UNC13C: variants seen among roughly 807,000 people sequenced by gnomAD.
The protein encoded by UNC13C is protein unc-13 homolog C.
Under a neutral mutation model 245.4 loss-of-function variants are expected in UNC13C, and 174 were observed. The ratio of observed to expected loss-of-function variants is 0.71; its 90% CI spans 0.63 to 0.80. UNC13C has a LOEUF of 0.80. Among genes scored for constraint, UNC13C ranks in the 30% least tolerant of loss-of-function variants. The pLI, the probability that UNC13C is intolerant of heterozygous loss-of-function variation, is 0.00. For synonymous variants in UNC13C, 992 were observed against 895.1 expected, an observed-to-expected ratio of 1.11 and a Z score of -1.93; for missense variants, 2,829 against 2,602.9, an observed-to-expected ratio of 1.09 and a Z score of -1.89.
intron 1 of UNC13C, among the ~76,000 whole-genome samples, chr15:53,983,815 G>A (rs1894019977): frequency 6.6e-6 from 1 of 151,776 alleles, no homozygotes; most frequent in South Asian, 2.1e-4. Context: ...TCAGCTCTGG[G>A]TCTCTCAAGC....
chr15:54,337,276 A>G (rs1296215530), intron 16 of UNC13C, among the ~76,000 whole-genome samples: 1 of 152,118 alleles, frequency 6.6e-6, no homozygotes, highest in Non-Finnish European at 1.5e-5. Flanking sequence ...TCCATACTCA[A>G]CCAGCGTTGT....
intron 17 of UNC13C, among the ~76,000 whole-genome samples, chr15:54,380,954 T>C (rs938091205): frequency 2.0e-5 from 3 of 152,080 alleles, no homozygotes; most frequent in African/African-American, 2.4e-5. Flanking sequence ...AAGAACAAAG[T>C]TTTTGTTTAG....
chr15:53,887,197 G>T, the UNC13C span, among the ~76,000 whole-genome samples: 1 of 152,108 alleles, frequency 6.6e-6, no homozygotes, highest in Non-Finnish European at 1.5e-5. Context: ...AAGGGTTATG[G>T]AAACTGTCTG....
chr15:54,270,420 A>G (rs1305024132), intron 10 of UNC13C, among the ~76,000 whole-genome samples: 2 of 152,174 alleles, frequency 1.3e-5, no homozygotes, highest in African/African-American at 4.8e-5. Flanking sequence ...TAATATGAAA[A>G]ATAGGGATAA....
In UNC13C at chr15:54,573,290, T is replaced by C. The variant is rs16974843; in HGVS notation, c.6106+5343T>C. Among the ~76,000 whole-genome samples, 1,373 of 152,230 alleles carry C rather than the reference T, an allele frequency of 9.0e-3. 20 individuals are homozygous for C. The highest frequency in any genetic ancestry group is 0.031 in the African/African-American group (1,281 of 41,526). On this transcript the variant is annotated intron_variant, in intron 30 of 32. Coordinates refer to ENST00000260323, the MANE Select transcript of UNC13C (RefSeq NM_001080534.3). ...AAGAGATTTGGATGTCATCTTTCTG[T>C]AGTAGTTAGACAAAAAGAAAAAAAT...
At chr15:54,179,341 T>G (rs2033720944) in intron 4 of UNC13C, among the ~76,000 whole-genome samples, 1 of 152,146 alleles carries the variant, frequency 6.6e-6, no homozygotes, top group Non-Finnish European at 1.5e-5. Flanking sequence ...TTAGTCTGTA[T>G]CTACAGACTG....
intron 30 of UNC13C, among the ~76,000 whole-genome samples, chr15:54,606,016 G>A (rs1899749163): frequency 6.6e-6 from 1 of 152,160 alleles, no homozygotes; most frequent in African/African-American, 2.4e-5. Context: ...ACCATTATAT[G>A]ACATTGCTAG....
chr15:54,014,970 T>C lies in UNC13C; in HGVS notation c.2067T>C (p.Asp689=). 1 of 1,613,840 alleles carries C rather than the reference T, an allele frequency of 6.2e-7. No homozygotes were observed. Among genetic ancestry groups the C allele is most frequent in the Non-Finnish European group, 8.5e-7 (1 of 1,179,838 alleles). Residue 689 remains aspartate, a synonymous_variant, in exon 2 of 33, where the codon GAT becomes GAC. Transcript: ENST00000260323. ...ETNSLFDQQL[D]VYNKDLEYLG... ...ACAGTCTTTTTGACCAACAGCTTGA[T>C]GTTTACAATAAAGACCTAGAATACT...
intron 30 of UNC13C, among the ~76,000 whole-genome samples, chr15:54,601,586 T>C (rs1169755069): frequency 6.6e-6 from 1 of 152,182 alleles, no homozygotes; most frequent in African/African-American, 2.4e-5. Context: ...TAACTTTGAC[T>C]CTGTCAGCAG....
At chr15:53,861,212 T>C in the UNC13C span, among the ~76,000 whole-genome samples, 2 of 152,220 alleles carry the variant, frequency 1.3e-5, no homozygotes, top group Non-Finnish European at 2.9e-5. Context: ...GGACTCTATA[T>C]GTGAGACCTC....
intron 4 of UNC13C, among the ~76,000 whole-genome samples, chr15:54,179,313 A>G (rs1222195654): frequency 6.6e-6 from 1 of 152,198 alleles, no homozygotes; most frequent in African/African-American, 2.4e-5. Context: ...TAAGCAGACT[A>G]ACAATCCAAT....
chr15:54,318,600 A>G (rs1469759681), intron 13 of UNC13C, among the ~76,000 whole-genome samples: 1 of 151,776 alleles, frequency 6.6e-6, no homozygotes, highest in Non-Finnish European at 1.5e-5. Context: ...TGAGTTATTC[A>G]AGGTTCTTAT....
chr15:53,862,272 G>A, the UNC13C span, among the ~76,000 whole-genome samples: 3 of 152,184 alleles, frequency 2.0e-5, no homozygotes, highest in South Asian at 6.2e-4. Context: ...GTTTATTTCT[G>A]CAACTGGTTA....
intron 28 of UNC13C, among the ~76,000 whole-genome samples, chr15:54,553,816 C>T (rs1488726238): frequency 1.3e-5 from 2 of 150,430 alleles, no homozygotes; most frequent in Non-Finnish European, 3.0e-5. Flanking sequence ...ATAATGTGAC[C>T]ACATTGTTAA....
intron 8 of UNC13C, among the ~76,000 whole-genome samples, chr15:54,262,027 G>C (rs12906606): frequency 0.28 from 41,994 of 152,038 alleles, 6,055 homozygotes; most frequent in African/African-American, 0.34. Context: ...AGTGAAATTT[G>C]AAAGCTAATG....
chr15:54,469,228 T>C (rs765371130), intron 19 of UNC13C, among the ~76,000 whole-genome samples: 2 of 151,544 alleles, frequency 1.3e-5, no homozygotes, highest in Non-Finnish European at 3.0e-5. Flanking sequence ...ATTCAAACAG[T>C]TTATTATTAC....
At chr15:53,839,097 A>T in the UNC13C span, among the ~76,000 whole-genome samples, 2 of 146,512 alleles carry the variant, frequency 1.4e-5, no homozygotes, top group African/African-American at 2.7e-5. Flanking sequence ...TTTTTACATG[A>T]TTTCTAAAAC....
At chr15:53,975,634 C>G (rs1203501191), upstream of UNC13C, among the ~76,000 whole-genome samples, 1 of 152,134 alleles carries the variant, frequency 6.6e-6, no homozygotes, top group Non-Finnish European at 1.5e-5. Context: ...GACCCCTTTA[C>G]TTGATTCTTT....
chr15:54,632,016 A>C (rs531371929), downstream of UNC13C: 40 of 152,256 alleles, frequency 2.6e-4, no homozygotes, highest in African/African-American at 9.1e-4. Context: ...TCAGTTCTTT[A>C]TTTTAGTTCT....
Sources: allele counts gnomAD v4.1 joint callset (sites outside exome capture counted in the v4.1 genomes callset), GRCh38; gene constraint gnomAD v4.1.1; transcripts MANE v1.5; gene names NCBI Gene and HGNC (gene_info 2026-07-23, HGNC 2026-07-21).